The following CSMD1 variants were observed in gnomAD, a reference collection of about 807,000 sequenced individuals.
CSMD1 encodes CUB and Sushi multiple domains 1.
In CSMD1, 213 loss-of-function variants were observed where a neutral mutation model predicts 417.5. The observed-to-expected ratio is 0.51, with a 90% CI of 0.46 to 0.57. The LOEUF is 0.57. Among genes scored for constraint, CSMD1 ranks in the 20% least tolerant of loss-of-function variants. The pLI, the probability that CSMD1 is intolerant of heterozygous loss-of-function variation, is 0.00. For missense variants in CSMD1, 6,923 were observed against 4,529.7 expected (o/e 1.53, Z -15.17); for synonymous variants, 2,862 against 1,736.8 (o/e 1.65, Z -16.11).
intron 5 of CSMD1, among the ~76,000 whole-genome samples, chr8:3,974,416 C>G (rs2554710): frequency 0.59 from 89,619 of 151,556 alleles, 27,240 homozygotes; most frequent in East Asian, 0.75. Flanking sequence ...ATTTTCACTT[C>G]GACCAGGATA....
chr8:3,742,483 C>T (rs540977139), intron 6 of CSMD1, among the ~76,000 whole-genome samples: 1 of 152,298 alleles, frequency 6.6e-6, no homozygotes, highest in East Asian at 1.9e-4. Flanking sequence ...ATGATTTATA[C>T]ATTTTTAAAA....
intron 1 of CSMD1, among the ~76,000 whole-genome samples, chr8:4,888,504 TGAGAGAGAGA>T (rs147909163): frequency 2.8e-5 from 4 of 145,234 alleles, no homozygotes; most frequent in Admixed American, 6.9e-5. Context: ...GACTGATAGA[TGAGAGAGAGA>T]GAGAGAGAGA....
chr8:4,363,569 G>C (rs201674311), intron 3 of CSMD1, among the ~76,000 whole-genome samples: 106 of 152,228 alleles, frequency 7.0e-4, no homozygotes, highest in East Asian at 5.4e-3. Context: ...TAGGAAACAG[G>C]AGCGCCATCT....
chr8:3,308,082 CTA>C (rs1563254230), intron 24 of CSMD1, among the ~76,000 whole-genome samples: 1 of 109,400 alleles, frequency 9.1e-6, no homozygotes, highest in African/African-American at 3.6e-5. Context: ...TGTGATAATT[CTA>C]ATAATAACAC....
intron 7 of CSMD1, among the ~76,000 whole-genome samples, chr8:3,657,044 G>T (rs769114709): frequency 7.6e-6 from 1 of 131,138 alleles, no homozygotes; most frequent in Non-Finnish European, 1.8e-5. Context: ...GTCTGCCAGG[G>T]CATTTTTGGG....
At chr8:4,182,140 T>TA (rs1471743758) in intron 3 of CSMD1, among the ~76,000 whole-genome samples, 2 of 151,998 alleles carry the variant, frequency 1.3e-5, no homozygotes, top group South Asian at 2.1e-4. Flanking sequence ...AAGACAGAAC[T>TA]AAAAAAACAA....
At chr8:3,745,931 C>G (rs761709432) in intron 6 of CSMD1, among the ~76,000 whole-genome samples, 24 of 152,088 alleles carry the variant, frequency 1.6e-4, no homozygotes, top group Non-Finnish European at 1.5e-5. Context: ...AGCAGCAGGC[C>G]GGGGGGAAAG....
At chr8:3,820,517 A>G (rs1458411045) in intron 5 of CSMD1, among the ~76,000 whole-genome samples, 3 of 152,190 alleles carry the variant, frequency 2.0e-5, no homozygotes, top group African/African-American at 7.2e-5. Flanking sequence ...TGAAGCTGAC[A>G]TCTCCTATGG....
rs368095086 is a variant in CSMD1 at position 4,062,417 on chromosome 8, G to A, written c.416-30318C>T. On this transcript the variant is annotated intron_variant, in intron 3 of 69. Coordinates refer to ENST00000635120, the MANE Select transcript of CSMD1 (RefSeq NM_033225.6). Reference sequence around the variant, plus strand: ...AATGAGACCAATCGGTTGTACATACGTATTCTAGAAATTTTCTAAGAATCT... The same window carrying A: ...AATGAGACCAATCGGTTGTACATACATATTCTAGAAATTTTCTAAGAATCT... Among the ~76,000 whole-genome samples, 78 of 152,112 alleles carry A rather than the reference G, an allele frequency of 5.1e-4. 1 individual carries two copies. The East Asian group carries it at 0.011, about 21-fold the overall frequency.
intron 3 of CSMD1, among the ~76,000 whole-genome samples, chr8:4,050,086 G>T (rs1308023328): frequency 1.3e-5 from 2 of 152,122 alleles, no homozygotes; most frequent in African/African-American, 4.8e-5. Flanking sequence ...TTCTCACAGT[G>T]CACCAGGTTG....
chr8:3,389,099 T>C (rs550508542), intron 17 of CSMD1, among the ~76,000 whole-genome samples: 1 of 152,168 alleles, frequency 6.6e-6, no homozygotes, highest in African/African-American at 2.4e-5. Flanking sequence ...GGGTGAATGA[T>C]TTTTTGTTGT....
chr8:4,136,436 G>T (rs968353024), intron 3 of CSMD1, among the ~76,000 whole-genome samples: 1 of 152,148 alleles, frequency 6.6e-6, no homozygotes, highest in Non-Finnish European at 1.5e-5. Context: ...TTCTCAGCAA[G>T]CATCCCTTTT....
rs187920719 is a variant in CSMD1, at chr8:3,475,872, A to G, written c.1449-7048T>C. ...TGAGAGTGTAACTAAACTCTTTCCA[A>G]TGCAAATGTGTCAGTGTTCTTGAAA... On this transcript the variant is annotated intron_variant, in intron 11 of 69. Transcript: ENST00000635120. Among the ~76,000 whole-genome samples the G allele has an allele frequency of 5.3e-5, 8 of 152,326 alleles. No homozygotes were observed. In the East Asian group the frequency reaches 7.7e-4, roughly 15 times the overall value.
intron 10 of CSMD1, among the ~76,000 whole-genome samples, chr8:3,527,357 G>A (rs926263607): frequency 1.3e-5 from 2 of 152,032 alleles, no homozygotes; most frequent in African/African-American, 4.8e-5. Context: ...ATTCTAAAAG[G>A]TTACATAGTG....
At chr8:3,414,298 G>A (rs1388176961) in intron 12 of CSMD1, among the ~76,000 whole-genome samples, 2 of 146,500 alleles carry the variant, frequency 1.4e-5, no homozygotes, top group African/African-American at 2.5e-5. Context: ...GATAATGAAG[G>A]GGCCTACGGA....
chr8:3,847,681 CT>C (rs1803603093), intron 5 of CSMD1, among the ~76,000 whole-genome samples: 1 of 152,066 alleles, frequency 6.6e-6, no homozygotes, highest in Admixed American at 6.6e-5. Flanking sequence ...TCATTTGCTA[CT>C]CAGCCATGGA....
intron 8 of CSMD1, among the ~76,000 whole-genome samples, chr8:3,612,583 A>G (rs763961386): frequency 1.3e-5 from 2 of 152,296 alleles, no homozygotes; most frequent in Admixed American, 6.5e-5. Flanking sequence ...AACATTTTTT[A>G]AAGTTCAGAT....
intron 1 of CSMD1, among the ~76,000 whole-genome samples, chr8:4,881,346 G>C (rs777799221): frequency 2.0e-5 from 3 of 151,712 alleles, no homozygotes; most frequent in Admixed American, 6.6e-5. Flanking sequence ...AATATACTAT[G>C]GTTACACAGT....
At chr8:4,341,534 G>T (rs948491991) in intron 3 of CSMD1, among the ~76,000 whole-genome samples, 1 of 152,034 alleles carries the variant, frequency 6.6e-6, no homozygotes, top group Non-Finnish European at 1.5e-5. Flanking sequence ...GCAAACCCAT[G>T]GAAACATTAT....
Sources: allele counts gnomAD v4.1 joint callset (sites outside exome capture counted in the v4.1 genomes callset), GRCh38; gene constraint gnomAD v4.1.1; transcripts MANE v1.5; gene names NCBI Gene and HGNC (gene_info 2026-07-23, HGNC 2026-07-21).